API5: variants seen among roughly 807,000 people sequenced by gnomAD.
API5 encodes the protein apoptosis inhibitor 5.
Under a neutral mutation model 71.9 loss-of-function variants are expected in API5, and 6 were observed. The ratio of observed to expected loss-of-function variants is 0.08; its 90% confidence interval spans 0.05 to 0.16. The LOEUF is 0.16. Ranked by LOEUF, API5 falls within the 10% of genes least tolerant of loss-of-function variation. The probability of loss-of-function intolerance (pLI) is 1.00; values close to 1 mark genes in which losing one functional copy is unlikely to be tolerated. For missense variants in API5, 332 were observed against 612.8 expected (o/e 0.54, Z 4.84); for synonymous variants, 189 against 221.3 (o/e 0.85, Z 1.30).
intron 1 of API5, among the ~76,000 whole-genome samples, chr11:43,314,487 G>A (rs1287199404): frequency 6.6e-6 from 1 of 152,162 alleles, no homozygotes; most frequent in Non-Finnish European, 1.5e-5. Context: ...ATTTAGTAAG[G>A]GTACTTTAGA....
chr11:43,329,528 A>G (rs543809328), intron 9 of API5, among the ~76,000 whole-genome samples: 1 of 152,276 alleles, frequency 6.6e-6, no homozygotes, highest in African/African-American at 2.4e-5. Context: ...TACCTCATAG[A>G]GTTGTAAGAA....
In API5 at chr11:43,327,857, G is replaced by A. The variant is rs1855125339; in HGVS notation, c.924G>A (p.Arg308=). ...GDMEKLETNL[R]KLFDKLLEYM... Reference sequence around the variant, plus strand: ...TGGAAAAACTAGAAACAAATTTAAGGAAACTATTTGATAAGTTATTGGTAA... The same window carrying A: ...TGGAAAAACTAGAAACAAATTTAAGAAAACTATTTGATAAGTTATTGGTAA... Residue 308 remains arginine, a synonymous_variant, in exon 8 of 14, where the codon AGG becomes AGA. Transcript: ENST00000531273. 1 of 1,611,798 alleles carries A rather than the reference G, an allele frequency of 6.2e-7. No homozygotes were observed. Among genetic ancestry groups the A allele is most frequent in the African/African-American group, 1.3e-5 (1 of 74,954 alleles).
At chr11:43,342,282 C>A in intron 13 of API5, 146 bp from the exon 14 acceptor site, 1 of 657,814 alleles carries the variant, frequency 1.5e-6, no homozygotes. Flanking sequence ...TATGTACAGG[C>A]TAAATTTGTA....
intron 13 of API5, among the ~76,000 whole-genome samples, chr11:43,341,591 G>T (rs1463592037): frequency 2.0e-5 from 3 of 152,112 alleles, no homozygotes; most frequent in African/African-American, 7.2e-5. Flanking sequence ...GAGAAGATAG[G>T]GGGAAGGAAG....
chr11:43,326,730 C>G (rs768024571), intron 7 of API5, 119 bp downstream of exon 7: 11 of 616,516 alleles, frequency 1.8e-5, no homozygotes, highest in Admixed American at 5.7e-5. Flanking sequence ...TAATGGCCAG[C>G]CAGTAATCTC....
intron 1 of API5, among the ~76,000 whole-genome samples, chr11:43,316,127 G>GT (rs145373833): frequency 0.083 from 12,619 of 151,886 alleles, 873 homozygotes; most frequent in Admixed American, 0.23. Context: ...TTGTAGTAGG[G>GT]TTTTTTGTAT....
intron 1 of API5, among the ~76,000 whole-genome samples, chr11:43,314,260 A>G (rs988136768): frequency 3.9e-5 from 6 of 152,218 alleles, no homozygotes; most frequent in Non-Finnish European, 2.9e-5. Flanking sequence ...ACTTTGTTGC[A>G]TATCAGTAGG....
At chr11:43,312,601 G>A (rs1465969095) in intron 1 of API5, among the ~76,000 whole-genome samples, 1 of 152,012 alleles carries the variant, frequency 6.6e-6, no homozygotes, top group African/African-American at 2.4e-5. Flanking sequence ...TTTTTTTGGG[G>A]GGGAGGCAAA....
chr11:43,331,255 A>G (rs978108620), intron 11 of API5: 1 of 152,784 alleles, frequency 6.5e-6, no homozygotes, highest in Non-Finnish European at 1.5e-5. Context: ...CCCCAAAACA[A>G]CCACTGGCTG....
In API5 at chr11:43,322,176, A is replaced by C. The variant is rs777099944; in HGVS notation, c.543+40A>C. 6 of 1,551,010 alleles carry C rather than the reference A, an allele frequency of 3.9e-6. No individual in the cohort carries two copies. In the African/African-American group the frequency reaches 8.2e-5, roughly 21 times the overall value. On this transcript the variant is annotated intron_variant, in intron 5 of 13. Transcript: ENST00000531273. ...TCATTTGGTGGAAATTCTCTAAAGCAAAAGAGCATACTTGACATTGGCAGT... is the reference window on the plus strand; with the variant it reads ...TCATTTGGTGGAAATTCTCTAAAGCCAAAGAGCATACTTGACATTGGCAGT...
chr11:43,324,246 G>C (rs1384241929), intron 6 of API5, among the ~76,000 whole-genome samples: 4 of 152,180 alleles, frequency 2.6e-5, no homozygotes, highest in African/African-American at 9.7e-5. Context: ...TTGAACTCCT[G>C]AGCTGAAGCA....
chr11:43,315,788 C>G (rs951863802), intron 1 of API5, among the ~76,000 whole-genome samples: 23 of 152,140 alleles, frequency 1.5e-4, no homozygotes, highest in African/African-American at 5.3e-4. Flanking sequence ...CTTTACCTTT[C>G]TGATCTCCTT....
At chr11:43,335,392 A>C (rs371309546) in intron 12 of API5, 38 bp downstream of exon 12, 3 of 1,336,686 alleles carry the variant, frequency 2.2e-6, no homozygotes, top group Admixed American at 3.4e-5. Context: ...AGTGTTATCA[A>C]AACTTAATAC....
chr11:43,320,299 C>G (rs1002775748), intron 2 of API5, among the ~76,000 whole-genome samples: 4 of 152,068 alleles, frequency 2.6e-5, no homozygotes, highest in Non-Finnish European at 5.9e-5. Flanking sequence ...CTGCTTCAGC[C>G]TCCCAAAGTG....
chr11:43,342,839 C>T lies in API5; in HGVS notation c.*329C>T. Reference sequence around the variant, plus strand: ...ATTCTAAAATGTAATGAAATTCAGTCTAGTTCTGCTGATAAAGATCATCAG... The same window carrying T: ...ATTCTAAAATGTAATGAAATTCAGTTTAGTTCTGCTGATAAAGATCATCAG... On this transcript the variant is annotated 3_prime_UTR_variant, in exon 14 of 14. Coordinates refer to ENST00000531273, the MANE Select transcript of API5 (RefSeq NM_001142930.2). The T allele has an allele frequency of 1.8e-6, 1 of 565,198 alleles. No homozygotes were observed. The allele number at this position is 565,198 out of a possible 1,614,324, so 35.0% of individuals were successfully genotyped here.
rs1247558850 is a variant in API5 at position 43,323,610 on chromosome 11, A to C, written c.724A>C (p.Thr242Pro). ...CTGTGTGGACAGGCTCTTACAGTGCACTCGGCAGGCAGTACCCCTCTTCTC... is the reference window on the plus strand; with the variant it reads ...CTGTGTGGACAGGCTCTTACAGTGCCCTCGGCAGGCAGTACCCCTCTTCTC... ...PDCVDRLLQC[T>P]RQAVPLFSKN... The change falls in exon 6 of 14, where the codon ACT becomes CCT. Residue 242 changes from threonine (T) to proline (P), a missense_variant. Thr to Pro is a conservative substitution (Grantham distance 38). Coordinates refer to ENST00000531273, the MANE Select transcript of API5 (RefSeq NM_001142930.2). 1 of 1,613,904 alleles carries C rather than the reference A, an allele frequency of 6.2e-7. No homozygotes were observed. The highest frequency in any genetic ancestry group is 8.5e-7 in the Non-Finnish European group (1 of 1,179,888).
chr11:43,325,065 T>G (rs1855023835), intron 6 of API5, among the ~76,000 whole-genome samples: 1 of 151,042 alleles, frequency 6.6e-6, no homozygotes, highest in Non-Finnish European at 1.5e-5. Context: ...GTAAAGTATA[T>G]AAGGGGTCTT....
Position 43,321,395 on chromosome 11 carries a change from C to G in API5, c.326-16C>G. 6.3e-7 allele frequency: 1 copy of G among 1,596,124 alleles called. No individual in the cohort carries two copies. The highest frequency in any genetic ancestry group is 1.1e-5 in the South Asian group (1 of 88,336). ...AATTTGTTTTATATTCATTATGCCACTTTTTCTTTATCCAGATGACTCTGC... is the reference window on the plus strand; with the variant it reads ...AATTTGTTTTATATTCATTATGCCAGTTTTTCTTTATCCAGATGACTCTGC... On this transcript the variant is annotated splice_polypyrimidine_tract_variant and intron_variant, in intron 3 of 13. Transcript: ENST00000531273.
chr11:43,315,225 CA>C (rs1426470252), intron 1 of API5, among the ~76,000 whole-genome samples: 1 of 152,156 alleles, frequency 6.6e-6, no homozygotes, highest in Admixed American at 6.6e-5. Flanking sequence ...GGTAAACTTA[CA>C]AGCCGTCTGA....
Sources: gnomAD v4.1 joint callset for allele counts (sites outside exome capture counted in the v4.1 genomes callset) on GRCh38, gnomAD v4.1.1 for gene constraint, MANE v1.5 for transcripts, NCBI Gene and HGNC (gene_info 2026-07-23, HGNC 2026-07-21) for gene names.